DENND1A: variants seen among roughly 807,000 people sequenced by gnomAD.
The protein encoded by DENND1A is DENN domain-containing protein 1A.
A neutral mutation model predicts 113.7 loss-of-function variants in DENND1A; 51 were observed. The observed-to-expected ratio is 0.45, with a 90% CI of 0.36 to 0.57. The LOEUF (loss-of-function observed/expected upper bound fraction) is 0.57. Ranked by LOEUF, DENND1A falls within the 20% of genes least tolerant of loss-of-function variation. The probability of loss-of-function intolerance (pLI) is 0.00; values close to 1 mark genes in which losing one functional copy is unlikely to be tolerated. For synonymous variants in DENND1A, 565 were observed against 570.8 expected, an observed-to-expected ratio of 0.99 and a Z score of 0.14; for missense variants, 1,258 against 1,395.9, an observed-to-expected ratio of 0.90 and a Z score of 1.57.
At chr9:123,452,644 C>T (rs1019346889) in intron 16 of DENND1A, among the ~76,000 whole-genome samples, 6 of 151,986 alleles carry the variant, frequency 3.9e-5, no homozygotes, top group African/African-American at 7.3e-5. Flanking sequence ...GAGGGAACTG[C>T]ATCACAGGCT....
At position 123,600,631 on chromosome 9, in the gene DENND1A, T is replaced by C. The variant is rs149977510; in HGVS notation, c.765+8805A>G. Among the ~76,000 whole-genome samples, 505 of 152,320 alleles carry C rather than the reference T, an allele frequency of 3.3e-3. 4 individuals are homozygous for C. Among genetic ancestry groups the C allele is most frequent in the African/African-American group, 0.011 (478 of 41,568 alleles). On this transcript the variant is annotated intron_variant, in intron 11 of 23. Transcript: ENST00000394215. ...GTCAAACTGTGTGATGTAGTAACCA[T>C]ACCCTTTTCCTCTGAGAAACTGATT...
chr9:123,709,903 C>T (rs927702487), intron 5 of DENND1A, among the ~76,000 whole-genome samples: 3 of 152,206 alleles, frequency 2.0e-5, no homozygotes, highest in Non-Finnish European at 4.4e-5. Flanking sequence ...ATTGGTTCGG[C>T]AACCACTGTG....
rs897319923 is a variant in DENND1A at position 123,542,524 on chromosome 9, C to G, written c.993+15046G>C. On this transcript the variant is annotated intron_variant, in intron 13 of 23. Transcript: ENST00000394215. Reference sequence around the variant, plus strand: ...CTCAGCCTGCTTGACCTCAGACTCACCCCACTTTTCTGCTCTGCTCTCTAC... The same window carrying G: ...CTCAGCCTGCTTGACCTCAGACTCAGCCCACTTTTCTGCTCTGCTCTCTAC... 3.3e-5 allele frequency among the ~76,000 whole-genome samples: 5 copies of G among 152,136 alleles called. No homozygotes were observed. In the South Asian group the frequency reaches 1.0e-3, roughly 32 times the overall value.
At chr9:123,710,972 C>T (rs561601076) in intron 5 of DENND1A, among the ~76,000 whole-genome samples, 9 of 151,978 alleles carry the variant, frequency 5.9e-5, no homozygotes, top group Non-Finnish European at 1.0e-4. Context: ...CATGCCCAGC[C>T]GGAAGAGATC....
intron 1 of DENND1A, among the ~76,000 whole-genome samples, chr9:123,927,422 A>G (rs902181603): frequency 7.2e-5 from 11 of 152,180 alleles, no homozygotes; most frequent in Non-Finnish European, 1.2e-4. Context: ...TGACATTTCT[A>G]ATATACAGTA....
intron 13 of DENND1A, among the ~76,000 whole-genome samples, chr9:123,467,555 T>G (rs1427876296): frequency 1.3e-5 from 2 of 152,156 alleles, no homozygotes; most frequent in Non-Finnish European, 2.9e-5. Context: ...CTCAGGAGGC[T>G]GAGGCAGGAG....
intron 13 of DENND1A, among the ~76,000 whole-genome samples, chr9:123,501,356 G>T (rs985207059): frequency 1.3e-5 from 2 of 152,118 alleles, no homozygotes; most frequent in South Asian, 4.1e-4. Context: ...TGGACACCTG[G>T]GTTGCTTCCA....
At chr9:123,599,220 T>G (rs1282001016) in intron 11 of DENND1A, among the ~76,000 whole-genome samples, 1 of 152,240 alleles carries the variant, frequency 6.6e-6, no homozygotes, top group Non-Finnish European at 1.5e-5. Context: ...GGCATATCTC[T>G]TAAGTGTCCA....
chr9:123,556,203 GCA>G, intron 13 of DENND1A, among the ~76,000 whole-genome samples: 1 of 152,306 alleles, frequency 6.6e-6, no homozygotes, highest in Middle Eastern at 3.4e-3. Flanking sequence ...TGCTATGTGA[GCA>G]CACAGTGACG....
intron 9 of DENND1A, among the ~76,000 whole-genome samples, chr9:123,646,765 C>T (rs567242204): frequency 6.6e-6 from 1 of 152,238 alleles, no homozygotes; most frequent in African/African-American, 2.4e-5. Context: ...GTTTTGTTCA[C>T]TGCCGTAATC....
At chr9:123,618,043 C>T (rs776403651) in intron 10 of DENND1A, among the ~76,000 whole-genome samples, 2 of 152,224 alleles carry the variant, frequency 1.3e-5, no homozygotes, top group African/African-American at 4.8e-5. Context: ...TTTGCAGCCT[C>T]GCCTTTCCAT....
intron 22 of DENND1A, among the ~76,000 whole-genome samples, chr9:123,387,075 A>G (rs1170365678): frequency 6.6e-6 from 1 of 152,246 alleles, no homozygotes; most frequent in Non-Finnish European, 1.5e-5. Flanking sequence ...GCAGACAGAC[A>G]AAAGCTGTCT....
intron 13 of DENND1A, among the ~76,000 whole-genome samples, chr9:123,495,957 A>G (rs2051879903): frequency 6.6e-6 from 1 of 152,232 alleles, no homozygotes; most frequent in Non-Finnish European, 1.5e-5. Flanking sequence ...CAATCCACTC[A>G]AATGTCCTGA....
chr9:123,743,865 T>C (rs1316417858), intron 5 of DENND1A, among the ~76,000 whole-genome samples: 1 of 152,134 alleles, frequency 6.6e-6, no homozygotes, highest in Non-Finnish European at 1.5e-5. Flanking sequence ...TGACATGACA[T>C]GTTTTGGCCT....
intron 2 of DENND1A, among the ~76,000 whole-genome samples, chr9:123,870,289 A>G (rs1846366789): frequency 7.1e-6 from 1 of 141,552 alleles, no homozygotes; most frequent in African/African-American, 2.8e-5. Context: ...TTTTTTTCTG[A>G]GATGGAGTCT....
intron 19 of DENND1A, among the ~76,000 whole-genome samples, chr9:123,427,158 G>C (rs950120369): frequency 1.3e-5 from 2 of 152,228 alleles, no homozygotes; most frequent in Non-Finnish European, 2.9e-5. Flanking sequence ...ATGCCCTATG[G>C]CATGATCACA....
intron 2 of DENND1A, among the ~76,000 whole-genome samples, chr9:123,805,367 C>G (rs1055118546): frequency 6.6e-6 from 1 of 151,908 alleles, no homozygotes; most frequent in African/African-American, 2.4e-5. Context: ...TGAGGATGGG[C>G]CCCAAGTCTA....
At chr9:123,791,346 A>G (rs929763151) in intron 3 of DENND1A, among the ~76,000 whole-genome samples, 1 of 152,198 alleles carries the variant, frequency 6.6e-6, no homozygotes, top group African/African-American at 2.4e-5. Context: ...GTTTGAATCT[A>G]AAGAGCCCAA....
At chr9:123,665,812 T>C (rs1273765262) in intron 8 of DENND1A, among the ~76,000 whole-genome samples, 1 of 152,194 alleles carries the variant, frequency 6.6e-6, no homozygotes, top group Non-Finnish European at 1.5e-5. Context: ...TCAGCATCTA[T>C]CACTGGATGA....
Sources: allele counts gnomAD v4.1 joint callset (sites outside exome capture counted in the v4.1 genomes callset), GRCh38; gene constraint gnomAD v4.1.1; transcripts MANE v1.5; gene names NCBI Gene and HGNC (gene_info 2026-07-23, HGNC 2026-07-21).